Variants in PARD3B observed in about 807,000 individuals in gnomAD.
PARD3B encodes par-3 family cell polarity regulator beta.
A neutral mutation model predicts 130.2 loss-of-function variants in PARD3B; 103 were observed. That is an observed-to-expected ratio of 0.79 (90% CI 0.67 to 0.93). The LOEUF (loss-of-function observed/expected upper bound fraction) is 0.93, where lower values mean the gene tolerates loss of function less well. Among genes scored for constraint, PARD3B ranks in the 40% least tolerant of loss-of-function variants. The probability of loss-of-function intolerance (pLI) is 0.00; values close to 1 mark genes in which losing one functional copy is unlikely to be tolerated. For synonymous variants in PARD3B, 583 were observed against 553.2 expected (o/e 1.05, Z -0.76); for missense variants, 1,609 against 1,499.2 (o/e 1.07, Z -1.21).
intron 20 of PARD3B, among the ~76,000 whole-genome samples, chr2:205,491,026 A>G (rs1240914204): frequency 6.6e-6 from 1 of 152,128 alleles, no homozygotes; most frequent in Admixed American, 6.6e-5. Context: ...AGATGAGTAG[A>G]TTGCAAAAAT....
At chr2:204,587,419 T>C (rs1457055128) in intron 1 of PARD3B, among the ~76,000 whole-genome samples, 11 of 152,202 alleles carry the variant, frequency 7.2e-5, no homozygotes, top group Admixed American at 6.5e-4. Context: ...GGCAATGAAT[T>C]GTCCACGGAT....
At chr2:205,576,079 T>C (rs1171653692) in intron 22 of PARD3B, among the ~76,000 whole-genome samples, 1 of 152,112 alleles carries the variant, frequency 6.6e-6, no homozygotes, top group East Asian at 1.9e-4. Context: ...AATAGGTATG[T>C]AGTAGTATTT....
rs1166176169 is a variant in PARD3B, at chr2:205,176,079, TG to T, written c.1792-364del. ...CAGAGAGAGAGAGGAACCAGCTGGT[TG>T]GCAGAGAAACACCCTTGGCATGAAC... On this transcript the variant is annotated intron_variant, in intron 12 of 22. Coordinates refer to ENST00000406610, the MANE Select transcript of PARD3B (RefSeq NM_001302769.2). This position sits in a 1 kb window ranked among gnomAD's most constrained non-coding sequence, Gnocchi z 5.3. 6.6e-6 allele frequency among the ~76,000 whole-genome samples: 1 copy of T among 152,210 alleles called. No homozygotes were observed. The highest frequency in any genetic ancestry group is 1.5e-5 in the Non-Finnish European group (1 of 68,038).
At position 204,595,699 on chromosome 2, in the gene PARD3B, A is replaced by G. The variant is rs186709877; in HGVS notation, c.120+49580A>G. ...TGGAGCTGAGGAAATGAAAATTCAG[A>G]AAAGTCAAGTATGATTTTGTAAAGC... is the stretch of plus-strand genomic sequence containing the variant. On this transcript the variant is annotated intron_variant, in intron 1 of 22. Transcript: ENST00000406610. 1.2e-4 allele frequency among the ~76,000 whole-genome samples: 19 copies of G among 152,378 alleles called. No homozygotes were observed. In the East Asian group the frequency reaches 2.9e-3, roughly 23 times the overall value.
intron 2 of PARD3B, among the ~76,000 whole-genome samples, chr2:204,919,638 C>T (rs936113760): frequency 2.0e-5 from 3 of 152,152 alleles, no homozygotes; most frequent in Non-Finnish European, 4.4e-5. Context: ...ATTTATCCTT[C>T]CTCCTGATAA....
In PARD3B at chr2:205,434,101, C is replaced by G. The variant is rs577085221; in HGVS notation, c.2742-6269C>G. On this transcript the variant is annotated intron_variant, in intron 19 of 22. Transcript: ENST00000406610. ...AGACCTTTTCCAAAAGGGATTATGCCATTTTATACTTCCACCAGCAGTGTG... is the reference window on the plus strand; with the variant it reads ...AGACCTTTTCCAAAAGGGATTATGCGATTTTATACTTCCACCAGCAGTGTG... Among the ~76,000 whole-genome samples the G allele has an allele frequency of 2.6e-5, 4 of 152,246 alleles. No individual in the cohort carries two copies. In the East Asian group the frequency reaches 7.7e-4, roughly 29 times the overall value.
At chr2:205,612,888 A>G (rs1286421584) in intron 22 of PARD3B, among the ~76,000 whole-genome samples, 2 of 152,158 alleles carry the variant, frequency 1.3e-5, no homozygotes, top group Non-Finnish European at 2.9e-5. Flanking sequence ...AGCTGTGAGC[A>G]CTGGCTGCCT....
chr2:205,087,870 G>A (rs941674166), intron 4 of PARD3B, among the ~76,000 whole-genome samples: 3 of 152,150 alleles, frequency 2.0e-5, no homozygotes, highest in Non-Finnish European at 2.9e-5. Context: ...CAGAATGGGT[G>A]TTTTATCATT....
At chr2:204,633,111 C>T (rs1363286342) in intron 1 of PARD3B, among the ~76,000 whole-genome samples, 1 of 152,078 alleles carries the variant, frequency 6.6e-6, no homozygotes, top group African/African-American at 2.4e-5. Flanking sequence ...GTGAGATTGC[C>T]AGATCATAAG....
At chr2:205,333,553 G>T (rs1388870885) in intron 18 of PARD3B, among the ~76,000 whole-genome samples, 2 of 152,106 alleles carry the variant, frequency 1.3e-5, no homozygotes, top group Non-Finnish European at 2.9e-5. Flanking sequence ...CAGAGAGGAG[G>T]ATATAGGGAC....
At chr2:205,214,567 A>T (rs2037816881) in intron 15 of PARD3B, among the ~76,000 whole-genome samples, 1 of 152,008 alleles carries the variant, frequency 6.6e-6, no homozygotes, top group Non-Finnish European at 1.5e-5. Flanking sequence ...CAAATGGTTT[A>T]AACACTTGGT....
intron 22 of PARD3B, among the ~76,000 whole-genome samples, chr2:205,569,724 C>T (rs914136925): frequency 6.6e-6 from 1 of 152,170 alleles, no homozygotes; most frequent in African/African-American, 2.4e-5. Flanking sequence ...ACTAAGTGTC[C>T]TGAAGCATTC....
At chr2:205,169,758 T>A (rs1476349869) in intron 11 of PARD3B, among the ~76,000 whole-genome samples, 1 of 152,152 alleles carries the variant, frequency 6.6e-6, no homozygotes, top group East Asian at 1.9e-4. Flanking sequence ...TGCTTCCTCC[T>A]CCTCTTTAAA....
intron 2 of PARD3B, among the ~76,000 whole-genome samples, chr2:204,872,683 T>G (rs1002027399): frequency 6.6e-6 from 1 of 152,196 alleles, no homozygotes; most frequent in African/African-American, 2.4e-5. Flanking sequence ...TTCTGTGTGT[T>G]TCTCTAATTG....
chr2:205,120,045 G>T (rs2030486361), intron 7 of PARD3B, among the ~76,000 whole-genome samples: 1 of 152,090 alleles, frequency 6.6e-6, no homozygotes, highest in Non-Finnish European at 1.5e-5. Flanking sequence ...TGTCAATATT[G>T]TATGCGTGTT....
intron 7 of PARD3B, among the ~76,000 whole-genome samples, chr2:205,120,451 G>A (rs1460922458): frequency 6.6e-6 from 1 of 152,176 alleles, no homozygotes; most frequent in Non-Finnish European, 1.5e-5. Flanking sequence ...GGGGTGCGGG[G>A]TAGGGTTTAA....
intron 20 of PARD3B, among the ~76,000 whole-genome samples, chr2:205,483,053 C>T (rs1038471297): frequency 6.6e-6 from 1 of 152,050 alleles, no homozygotes; most frequent in Non-Finnish European, 1.5e-5. Flanking sequence ...GTGTAAATCT[C>T]GGTTCATTGT....
chr2:204,552,537 A>G (rs2030536974), intron 1 of PARD3B, among the ~76,000 whole-genome samples: 1 of 152,148 alleles, frequency 6.6e-6, no homozygotes, highest in African/African-American at 2.4e-5. Context: ...CTTTTATTGC[A>G]TTTGCTTTTG....
At chr2:205,249,653 G>A (rs760662139) in intron 16 of PARD3B, among the ~76,000 whole-genome samples, 6 of 151,978 alleles carry the variant, frequency 3.9e-5, no homozygotes, top group Non-Finnish European at 8.8e-5. Context: ...CTATTTCAGG[G>A]GCTTCCCCAA....
Sources: gnomAD v4.1 joint callset for allele counts (sites outside exome capture counted in the v4.1 genomes callset) on GRCh38, gnomAD v4.1.1 for gene constraint, Gnocchi (gnomAD v3.1) non-coding constraint, MANE v1.5 for transcripts, NCBI Gene and HGNC (gene_info 2026-07-23, HGNC 2026-07-21) for gene names.